MTCH1: variants seen among roughly 807,000 people sequenced by gnomAD.
MTCH1 encodes the protein mitochondrial carrier 1.
MTCH1 carries 23 observed loss-of-function variants against 49.3 expected under a neutral mutation model. That is an observed-to-expected ratio of 0.47 (90% CI 0.34 to 0.66). The LOEUF (loss-of-function observed/expected upper bound fraction) is 0.66. MTCH1 is among the 30% of genes least tolerant of loss of function. MTCH1 has a pLI of 0.01. For synonymous variants in MTCH1, 229 were observed against 215.2 expected (o/e 1.06, Z -0.56); for missense variants, 397 against 532.1 (o/e 0.75, Z 2.50).
chr6:36,970,687 T>A lies in MTCH1; in HGVS notation c.914A>T (p.Gln305Leu). The A allele has an allele frequency of 6.2e-7, 1 of 1,614,128 alleles. No homozygotes were observed. The highest frequency in any genetic ancestry group is 8.5e-7 in the Non-Finnish European group (1 of 1,180,012). Residue 305 changes from glutamine to leucine, a missense_variant, in exon 9 of 12, where the codon CAG becomes CTG. Coordinates refer to ENST00000373627, the MANE Select transcript of MTCH1 (RefSeq NM_001271641.2). Reference sequence around the variant, plus strand: ...GGTATAGCTCCGGATGGCCAGGGCCTGGCTGAACTGAGGAGACAGAAGGGA... The same window carrying A: ...GGTATAGCTCCGGATGGCCAGGGCCAGGCTGAACTGAGGAGACAGAAGGGA... ...NDQNPGSQFS[Q>L]ALAIRSYTKF...
intron 1 of MTCH1, among the ~76,000 whole-genome samples, chr6:36,983,544 C>T (rs970516919): frequency 6.6e-6 from 1 of 152,106 alleles, no homozygotes; most frequent in Non-Finnish European, 1.5e-5. Context: ...TGTATCTCAC[C>T]CCCATTCCTC....
chr6:36,985,729 A>AAC, intron 1 of MTCH1, 124 bp downstream of exon 1: 2 of 560,578 alleles, frequency 3.6e-6, no homozygotes, highest in Admixed American at 3.3e-5. Context: ...GGCCCCCCAA[A>AAC]CCCGCCGTCC....
At chr6:36,971,237 C>T (rs1763674660) in intron 8 of MTCH1, among the ~76,000 whole-genome samples, 1 of 152,216 alleles carries the variant, frequency 6.6e-6, no homozygotes, top group African/African-American at 2.4e-5. Flanking sequence ...GATCGATGGC[C>T]TGGGTTCTTG....
chr6:36,984,123 CCA>C (rs1389467893), intron 1 of MTCH1, among the ~76,000 whole-genome samples: 1 of 152,170 alleles, frequency 6.6e-6, no homozygotes, highest in Admixed American at 6.5e-5. Flanking sequence ...ATCCTTCACT[CCA>C]CAGACTCTCC....
chr6:36,981,723 G>A, intron 1 of MTCH1, 51 bp from the exon 2 acceptor site: 1 of 1,501,362 alleles, frequency 6.7e-7, no homozygotes, highest in Non-Finnish European at 9.1e-7. Flanking sequence ...TGGTGATTCA[G>A]CCTCACCACC....
At chr6:36,980,003 T>C (rs1184209335) in intron 2 of MTCH1, among the ~76,000 whole-genome samples, 1 of 152,182 alleles carries the variant, frequency 6.6e-6, no homozygotes, top group East Asian at 1.9e-4. Flanking sequence ...TGGGAAGTTC[T>C]TTCTTCTACA....
rs900850127 is a variant in MTCH1, at chr6:36,969,059, A to G, written c.1099-85T>C. On this transcript the variant is annotated intron_variant, in intron 11 of 11. Coordinates refer to ENST00000373627, the MANE Select transcript of MTCH1 (RefSeq NM_001271641.2). ...AGAGGAAGGCCAGTGTCAGGCAAAG[A>G]AGGGTCCAGGAGCTCAAAGACCCAG... 4.5e-6 allele frequency: 7 copies of G among 1,555,664 alleles called. No homozygotes were observed. The African/African-American group carries it at 9.6e-5, about 21-fold the overall frequency.
At chr6:36,983,572 T>C (rs1764183759) in intron 1 of MTCH1, among the ~76,000 whole-genome samples, 1 of 152,178 alleles carries the variant, frequency 6.6e-6, no homozygotes, top group South Asian at 2.1e-4. Context: ...CAAGTTTTAA[T>C]TATTTGTTCC....
intron 2 of MTCH1, among the ~76,000 whole-genome samples, chr6:36,980,133 G>C (rs1381443894): frequency 1.3e-5 from 2 of 152,166 alleles, no homozygotes; most frequent in East Asian, 3.9e-4. Flanking sequence ...GAGTAGGCCT[G>C]GTGTCCAGAG....
chr6:36,977,310 C>T lies in MTCH1; in HGVS notation c.650-60G>A. On this transcript the variant is annotated intron_variant, in intron 5 of 11. Transcript: ENST00000373627. The surrounding 1 kb of genome is among the most constrained non-coding windows in gnomAD (Gnocchi z 5.4). Reference sequence around the variant, plus strand: ...TGGTGGGCCACACTTCATAATGCTCCAGCCACCGGGTGCCAGGTGCAGAGT... The same window carrying T: ...TGGTGGGCCACACTTCATAATGCTCTAGCCACCGGGTGCCAGGTGCAGAGT... The T allele has an allele frequency of 1.3e-6, 2 of 1,585,860 alleles. No individual in the cohort carries two copies. The highest frequency in any genetic ancestry group is 2.2e-5 in the South Asian group (2 of 90,558).
intron 8 of MTCH1, among the ~76,000 whole-genome samples, chr6:36,971,853 T>C (rs1009703891): frequency 4.6e-5 from 7 of 152,176 alleles, no homozygotes; most frequent in Non-Finnish European, 1.0e-4. Context: ...GTCTGGACAC[T>C]GCAATTCCCA....
chr6:36,968,514 C>G lies in MTCH1; in HGVS notation c.*389G>C, dbSNP rs1027993205. The stretch of plus-strand genomic sequence containing the variant: ...GAGAATGATGCTCCCAGCTGAGCTG[C>G]AGGATGGGCGCTGGGCTGACTGGAG... On this transcript the variant is annotated 3_prime_UTR_variant, in exon 12 of 12. Transcript: ENST00000373627. 2 of 362,192 alleles carry G rather than the reference C, an allele frequency of 5.5e-6. No individual in the cohort carries two copies. The highest frequency in any genetic ancestry group is 5.4e-6 in the Non-Finnish European group (1 of 184,326). The allele number at this position is 362,192 out of a possible 1,614,324, so 22.4% of individuals were successfully genotyped here.
chr6:36,973,391 G>A (rs1435960997), intron 7 of MTCH1, among the ~76,000 whole-genome samples: 2 of 152,102 alleles, frequency 1.3e-5, no homozygotes, highest in African/African-American at 2.4e-5. Context: ...TTTTTACAAT[G>A]TGTTTGCTTG....
At position 36,972,630 on chromosome 6, in the gene MTCH1, A is replaced by G; in HGVS notation, c.906+22T>C. The G allele has an allele frequency of 6.5e-7, 1 of 1,543,668 alleles. No homozygotes were observed. Among genetic ancestry groups the G allele is most frequent in the Non-Finnish European group, 8.8e-7 (1 of 1,140,514 alleles). Reference sequence around the variant, plus strand: ...GCATCAGCAGCACACGGAAAGAAGGACAAGTCCTTGTTCCAACCAACCTGG... The same window carrying G: ...GCATCAGCAGCACACGGAAAGAAGGGCAAGTCCTTGTTCCAACCAACCTGG... On this transcript the variant is annotated intron_variant, in intron 8 of 11. Coordinates refer to ENST00000373627, the MANE Select transcript of MTCH1 (RefSeq NM_001271641.2). The surrounding 1 kb of genome is among the most constrained non-coding windows in gnomAD (Gnocchi z 4.1).
chr6:36,978,874 CCTTTTT>C (rs1561909481), intron 2 of MTCH1, among the ~76,000 whole-genome samples: 2 of 121,248 alleles, frequency 1.6e-5, no homozygotes, highest in African/African-American at 7.4e-5. Context: ...CTCCCTCCCT[CCTTTTT>C]TTTTTTTTTT....
In MTCH1 at chr6:36,977,126, T is replaced by C. The variant is rs9296205; in HGVS notation, c.701+73A>G. 145,497 of 1,520,114 alleles carry C rather than the reference T, an allele frequency of 0.096. 8,269 individuals carry two copies. The highest frequency in any genetic ancestry group is 0.19 in the Middle Eastern group (966 of 5,032). 94.2% of individuals were successfully genotyped at this position (1,520,114 alleles called of 1,614,324 possible). On this transcript the variant is annotated intron_variant, in intron 6 of 11. Coordinates refer to ENST00000373627, the MANE Select transcript of MTCH1 (RefSeq NM_001271641.2). This position sits in a 1 kb window ranked among gnomAD's most constrained non-coding sequence, Gnocchi z 5.4. ...AGGGCAGAAAAGGTGCAGCAACCAA[T>C]CCCAGCACGGCCTGCCCTGGCCGAC...
At chr6:36,976,386 A>C in intron 6 of MTCH1, 1 of 367,906 alleles carries the variant, frequency 2.7e-6, no homozygotes, top group Non-Finnish European at 5.6e-6. Context: ...AGCCAGTGGA[A>C]GGCAAAGCCC....
In MTCH1 at chr6:36,970,711, G is replaced by A; in HGVS notation, c.907-17C>T. ...CTGGCTGAACTGAGGAGACAGAAGG[G>A]AAGAGTGGTTTGCCACAGGCACCTC... On this transcript the variant is annotated splice_polypyrimidine_tract_variant and intron_variant, in intron 8 of 11. Transcript: ENST00000373627. The A allele has an allele frequency of 1.2e-6, 2 of 1,613,588 alleles. No individual in the cohort carries two copies. The highest frequency in any genetic ancestry group is 8.5e-7 in the Non-Finnish European group (1 of 1,179,772).
intron 3 of MTCH1, 133 bp from the exon 4 acceptor site, chr6:36,978,288 CT>C: frequency 1.1e-6 from 1 of 910,116 alleles, no homozygotes; most frequent in East Asian, 2.6e-5. Flanking sequence ...CTCAGGTAAC[CT>C]CCAGGTCTGG....
Sources: gnomAD v4.1 joint callset for allele counts (sites outside exome capture counted in the v4.1 genomes callset) on GRCh38, gnomAD v4.1.1 for gene constraint, Gnocchi (gnomAD v3.1) non-coding constraint, MANE v1.5 for transcripts, NCBI Gene and HGNC (gene_info 2026-07-23, HGNC 2026-07-21) for gene names.